ZMAT4: variants seen among roughly 807,000 people sequenced by gnomAD.
ZMAT4 encodes the protein zinc finger matrin-type protein 4.
In ZMAT4, 17 loss-of-function variants were observed where a neutral mutation model predicts 28.7. The observed-to-expected ratio is 0.59, with a 90% CI of 0.41 to 0.89. The LOEUF (loss-of-function observed/expected upper bound fraction) is 0.89, where lower values mean the gene tolerates loss of function less well. ZMAT4 is among the 40% of genes least tolerant of loss of function. The pLI, the probability that ZMAT4 is intolerant of heterozygous loss-of-function variation, is 0.00. For missense variants in ZMAT4, 240 were observed against 283.8 expected (o/e 0.85, Z 1.11); for synonymous variants, 117 against 109.2 (o/e 1.07, Z -0.44).
At chr8:40,647,629 A>C (rs368791027) in intron 5 of ZMAT4, among the ~76,000 whole-genome samples, 3 of 152,206 alleles carry the variant, frequency 2.0e-5, no homozygotes, top group East Asian at 3.9e-4. Flanking sequence ...GGCAGGGCAC[A>C]GACAAACAAA....
At chr8:40,780,279 G>A (rs1813776179) in intron 2 of ZMAT4, among the ~76,000 whole-genome samples, 1 of 152,130 alleles carries the variant, frequency 6.6e-6, no homozygotes. Flanking sequence ...TTAGCCTACA[G>A]CTGGCAAAAA....
At chr8:40,644,058 A>C (rs1229027700) in intron 5 of ZMAT4, among the ~76,000 whole-genome samples, 1 of 152,168 alleles carries the variant, frequency 6.6e-6, no homozygotes, top group African/African-American at 2.4e-5. Context: ...TGTATTTTAT[A>C]AAAATCTCTA....
At chr8:40,647,554 C>T (rs1264535676) in intron 5 of ZMAT4, among the ~76,000 whole-genome samples, 2 of 152,158 alleles carry the variant, frequency 1.3e-5, no homozygotes, top group African/African-American at 4.8e-5. Flanking sequence ...CTGGGAAGCT[C>T]GAACTGGGTG....
intron 5 of ZMAT4, among the ~76,000 whole-genome samples, chr8:40,611,497 C>T (rs887236772): frequency 5.3e-5 from 8 of 152,100 alleles, no homozygotes; most frequent in South Asian, 4.1e-4. Context: ...CACGCCACCA[C>T]GCCAGGCTAA....
intron 5 of ZMAT4, among the ~76,000 whole-genome samples, chr8:40,644,727 A>C (rs1807221596): frequency 6.6e-6 from 1 of 152,176 alleles, no homozygotes; most frequent in Admixed American, 6.5e-5. Flanking sequence ...GTACAGGATG[A>C]CTAAGAGTGA....
At chr8:40,792,177 G>A (rs1293525028) in intron 2 of ZMAT4, among the ~76,000 whole-genome samples, 2 of 152,044 alleles carry the variant, frequency 1.3e-5, no homozygotes, top group Non-Finnish European at 2.9e-5. Context: ...TATACTGTGA[G>A]CATATGCTGT....
At chr8:40,661,372 T>C (rs1808188968) in intron 5 of ZMAT4, among the ~76,000 whole-genome samples, 1 of 152,230 alleles carries the variant, frequency 6.6e-6, no homozygotes, top group African/African-American at 2.4e-5. Context: ...AGTGCTGGGA[T>C]TACCGGCATC....
chr8:40,821,046 G>C (rs997140825), intron 2 of ZMAT4, among the ~76,000 whole-genome samples: 1 of 146,134 alleles, frequency 6.8e-6, no homozygotes, highest in Non-Finnish European at 1.5e-5. Context: ...TGTATGTGTG[G>C]GTGTGTGTGT....
intron 3 of ZMAT4, among the ~76,000 whole-genome samples, chr8:40,707,797 C>T (rs986871235): frequency 8.5e-5 from 13 of 152,068 alleles, no homozygotes; most frequent in African/African-American, 3.1e-4. Context: ...ATGTTCAATA[C>T]CATTCTTTTC....
Position 40,786,751 on chromosome 8 carries a change from A to G in ZMAT4, c.103-19021T>C, listed in dbSNP as rs2150575738. The G allele has an allele frequency of 5.4e-6, 7 of 1,289,278 alleles. No individual in the cohort carries two copies. The South Asian group carries it at 8.6e-5, about 16-fold the overall frequency. The allele number at this position is 1,289,278 out of a possible 1,614,324, so 79.9% of individuals were successfully genotyped here. ...ATCTTCTTTTGGCTTAGTATGTCTAATGAAATTCCCCTTCCTCAAGAATTC... is the reference window on the plus strand; with the variant it reads ...ATCTTCTTTTGGCTTAGTATGTCTAGTGAAATTCCCCTTCCTCAAGAATTC... On this transcript the variant is annotated intron_variant, in intron 2 of 6. Coordinates refer to ENST00000297737, the MANE Select transcript of ZMAT4 (RefSeq NM_024645.3).
At chr8:40,877,229 C>A (rs1399969936) in intron 1 of ZMAT4, among the ~76,000 whole-genome samples, 2 of 152,174 alleles carry the variant, frequency 1.3e-5, no homozygotes, top group Non-Finnish European at 2.9e-5. Flanking sequence ...CTCAGAAGAA[C>A]CCAGCCCTGC....
At chr8:40,829,176 G>A (rs1240848716) in intron 1 of ZMAT4, among the ~76,000 whole-genome samples, 1 of 152,186 alleles carries the variant, frequency 6.6e-6, no homozygotes, top group Admixed American at 6.5e-5. Context: ...TACAAGAGTA[G>A]GGGAAGACAG....
chr8:40,712,706 C>T (rs916614716), intron 3 of ZMAT4, among the ~76,000 whole-genome samples: 22 of 152,162 alleles, frequency 1.4e-4, no homozygotes, highest in Non-Finnish European at 2.8e-4. Flanking sequence ...ACAGAAGGCC[C>T]TGTCTCCTAA....
chr8:40,581,912 G>A (rs1384832392), intron 5 of ZMAT4, among the ~76,000 whole-genome samples: 1 of 152,180 alleles, frequency 6.6e-6, no homozygotes, highest in African/African-American at 2.4e-5. Context: ...TTTGCTTTCA[G>A]AAGTTTAGTA....
chr8:40,893,695 C>T (rs1022592322), intron 1 of ZMAT4, among the ~76,000 whole-genome samples: 5 of 152,116 alleles, frequency 3.3e-5, no homozygotes, highest in Non-Finnish European at 7.4e-5. Flanking sequence ...TCCGGGGGTA[C>T]ATGTGCAGGT....
chr8:40,555,499 A>G (rs1803505426), intron 6 of ZMAT4, among the ~76,000 whole-genome samples: 1 of 152,198 alleles, frequency 6.6e-6, no homozygotes, highest in Non-Finnish European at 1.5e-5. Flanking sequence ...TTGTCCTCAG[A>G]TTTGTGATAA....
chr8:40,675,692 C>A (rs111858510), intron 4 of ZMAT4, among the ~76,000 whole-genome samples: 34 of 152,190 alleles, frequency 2.2e-4, no homozygotes, highest in African/African-American at 7.7e-4. Context: ...AAGGATTTGG[C>A]TAAGTGGTAG....
At chr8:40,656,621 A>G (rs1418255781) in intron 5 of ZMAT4, among the ~76,000 whole-genome samples, 1 of 152,196 alleles carries the variant, frequency 6.6e-6, no homozygotes, top group African/African-American at 2.4e-5. Context: ...ATGTACTGAT[A>G]CATGCTACAA....
At chr8:40,786,896 T>C (rs1586049906) in intron 2 of ZMAT4, 1 of 388,140 alleles carries the variant, frequency 2.6e-6, no homozygotes, top group Non-Finnish European at 4.8e-6. Context: ...TTGGATTCAG[T>C]TAACAAGATT....
Sources: gnomAD v4.1 joint callset for allele counts (sites outside exome capture counted in the v4.1 genomes callset) on GRCh38, gnomAD v4.1.1 for gene constraint, MANE v1.5 for transcripts, NCBI Gene and HGNC (gene_info 2026-07-23, HGNC 2026-07-21) for gene names.